Variants in SGCZ observed in about 807,000 individuals in gnomAD.
The protein encoded by SGCZ is zeta-sarcoglycan.
SGCZ carries 40 observed loss-of-function variants against 41.3 expected under a neutral mutation model. The ratio of observed to expected loss-of-function variants is 0.97; its 90% CI spans 0.75 to 1.26. SGCZ has a LOEUF of 1.26. Among genes scored for constraint, SGCZ ranks in the 50% most tolerant of loss-of-function variants. The pLI is 0.00. For missense variants in SGCZ, 552 were observed against 369.8 expected, an observed-to-expected ratio of 1.49 and a Z score of -4.04; for synonymous variants, 206 against 137.5, an observed-to-expected ratio of 1.50 and a Z score of -3.49.
chr8:14,520,889 A>C, intron 2 of SGCZ, among the ~76,000 whole-genome samples: 1 of 152,310 alleles, frequency 6.6e-6, no homozygotes, highest in East Asian at 1.9e-4. Context: ...AATCAACGTT[A>C]TATAACAAGC....
intron 1 of SGCZ, among the ~76,000 whole-genome samples, chr8:15,176,142 C>A (rs1021673006): frequency 6.6e-6 from 1 of 152,108 alleles, no homozygotes; most frequent in Non-Finnish European, 1.5e-5. Flanking sequence ...GGTGACAGTT[C>A]TTACACACCA....
intron 1 of SGCZ, among the ~76,000 whole-genome samples, chr8:15,205,776 G>GTACATCATTTTACCAT (rs1801040133): frequency 6.6e-6 from 1 of 152,156 alleles, no homozygotes; most frequent in Non-Finnish European, 1.5e-5. Context: ...ATACCCAGAG[G>GTACATCATTTTACCAT]AATGTACATC....
chr8:14,192,178 T>C (rs911887643), intron 4 of SGCZ, among the ~76,000 whole-genome samples: 4 of 152,224 alleles, frequency 2.6e-5, no homozygotes, highest in Admixed American at 6.5e-5. Flanking sequence ...GGTAGTGCTT[T>C]ACAGTAAAAA....
At chr8:14,450,244 T>C (rs1301303339) in intron 2 of SGCZ, among the ~76,000 whole-genome samples, 1 of 152,174 alleles carries the variant, frequency 6.6e-6, no homozygotes, top group African/African-American at 2.4e-5. Flanking sequence ...TGTCAGTGAG[T>C]GCAATTCATT....
intron 1 of SGCZ, among the ~76,000 whole-genome samples, chr8:14,914,965 C>T (rs1251088609): frequency 6.6e-6 from 1 of 152,054 alleles, no homozygotes; most frequent in African/African-American, 2.4e-5. Context: ...AAGGTGGATT[C>T]GGAGAGAGGC....
chr8:14,312,359 C>T (rs533212647), intron 3 of SGCZ, among the ~76,000 whole-genome samples: 2 of 152,206 alleles, frequency 1.3e-5, no homozygotes, highest in Admixed American at 6.6e-5. Context: ...TTCTCTTCAT[C>T]GTGACTTAGA....
At chr8:14,781,600 G>C (rs1055911818) in intron 1 of SGCZ, among the ~76,000 whole-genome samples, 2 of 152,000 alleles carry the variant, frequency 1.3e-5, no homozygotes, top group African/African-American at 4.8e-5. Flanking sequence ...AATTGTTTGG[G>C]TTATTCTTAT....
chr8:14,203,817 A>ACTAT (rs1267749485), intron 4 of SGCZ, among the ~76,000 whole-genome samples: 1 of 152,220 alleles, frequency 6.6e-6, no homozygotes, highest in African/African-American at 2.4e-5. Context: ...CAGTAGGGGC[A>ACTAT]TGTAAATCAG....
At chr8:15,082,229 A>G (rs57745242) in intron 1 of SGCZ, among the ~76,000 whole-genome samples, 8,321 of 151,120 alleles carry the variant, frequency 0.055, 748 homozygotes, top group African/African-American at 0.19. Context: ...ACTCTGTCTC[A>G]AAAAAAAATA....
intron 2 of SGCZ, among the ~76,000 whole-genome samples, chr8:14,551,481 T>TATATATA (rs1803821015): frequency 1.0e-3 from 5 of 4,982 alleles, no homozygotes; most frequent in East Asian, 0.021. Context: ...TATTATATAT[T>TATATATA]ATATATATTA....
At chr8:15,061,710 C>T (rs1804944666) in intron 1 of SGCZ, among the ~76,000 whole-genome samples, 1 of 151,998 alleles carries the variant, frequency 6.6e-6, no homozygotes, top group Non-Finnish European at 1.5e-5. Context: ...AGGAAGAGGA[C>T]CCTCATAAGA....
chr8:14,856,455 T>C (rs1803548521), intron 1 of SGCZ, among the ~76,000 whole-genome samples: 2 of 152,126 alleles, frequency 1.3e-5, no homozygotes, highest in Non-Finnish European at 2.9e-5. Context: ...CTATTGCAAA[T>C]TTATGCATGT....
At chr8:14,980,828 A>G (rs1801637245) in intron 1 of SGCZ, among the ~76,000 whole-genome samples, 1 of 151,770 alleles carries the variant, frequency 6.6e-6, no homozygotes, top group South Asian at 2.1e-4. Context: ...GCCAAACCAT[A>G]TCACTATCTA....
intron 1 of SGCZ, among the ~76,000 whole-genome samples, chr8:14,812,846 G>GA (rs35438400): frequency 6.6e-6 from 1 of 152,008 alleles, no homozygotes; most frequent in Non-Finnish European, 1.5e-5. Context: ...TATTAAACTT[G>GA]AAAAAAGCAT....
At chr8:14,467,990 C>G (rs1001994029) in intron 2 of SGCZ, among the ~76,000 whole-genome samples, 1 of 151,804 alleles carries the variant, frequency 6.6e-6, no homozygotes, top group African/African-American at 2.4e-5. Flanking sequence ...TTAATATTGA[C>G]CATTTAATAT....
chr8:14,860,490 A>G (rs1397052994), intron 1 of SGCZ, among the ~76,000 whole-genome samples: 7 of 151,250 alleles, frequency 4.6e-5, no homozygotes, highest in Non-Finnish European at 4.4e-5. Context: ...AAGAGGAGAA[A>G]GAGAAAGAGG....
chr8:14,551,815 A>G (rs1407658972), intron 2 of SGCZ, among the ~76,000 whole-genome samples: 1 of 149,590 alleles, frequency 6.7e-6, no homozygotes, highest in Admixed American at 6.9e-5. Flanking sequence ...AATGAAAAAC[A>G]CAAATTATTT....
chr8:15,084,579 C>G (rs76412265), intron 1 of SGCZ, among the ~76,000 whole-genome samples: 6,821 of 152,090 alleles, frequency 0.045, 495 homozygotes, highest in African/African-American at 0.15. Flanking sequence ...TGGTGAAACC[C>G]TGTCTCCACT....
intron 2 of SGCZ, among the ~76,000 whole-genome samples, chr8:14,443,598 G>A (rs899464374): frequency 6.6e-6 from 1 of 152,138 alleles, no homozygotes; most frequent in African/African-American, 2.4e-5. Flanking sequence ...TGGGAAAACT[G>A]GCTAGCCATA....
Sources: gnomAD v4.1 joint callset for allele counts (sites outside exome capture counted in the v4.1 genomes callset) on GRCh38, gnomAD v4.1.1 for gene constraint, MANE v1.5 for transcripts, NCBI Gene and HGNC (gene_info 2026-07-23, HGNC 2026-07-21) for gene names.